SEM1: variants seen among roughly 807,000 people sequenced by gnomAD.
SEM1 encodes the protein 26S proteasome complex subunit SEM1.
Under a neutral mutation model 12.7 loss-of-function variants are expected in SEM1, and 3 were observed. The observed-to-expected ratio is 0.24, with a 90% confidence interval of 0.11 to 0.61. The LOEUF (loss-of-function observed/expected upper bound fraction) is 0.61, where lower values mean the gene tolerates loss of function less well. SEM1 is among the 20% of genes least tolerant of loss of function. SEM1 has a pLI of 0.88. For synonymous variants in SEM1, 30 were observed against 27.8 expected (o/e 1.08, Z -0.25); for missense variants, 59 against 81.3 (o/e 0.73, Z 1.06).
At chr7:96,683,460 G>A (rs896023860) in intron 2 of SEM1, among the ~76,000 whole-genome samples, 2 of 152,156 alleles carry the variant, frequency 1.3e-5, no homozygotes, top group Non-Finnish European at 2.9e-5. Context: ...TTCAACCATT[G>A]TGGAAGTCAG....
At chr7:96,648,929 T>C (rs1003701864) in intron 2 of SEM1, among the ~76,000 whole-genome samples, 1 of 152,218 alleles carries the variant, frequency 6.6e-6, no homozygotes, top group Non-Finnish European at 1.5e-5. Context: ...CCAATGTTTT[T>C]TTCCCCTGCC....
downstream of SEM1, among the ~76,000 whole-genome samples, chr7:96,686,914 T>A (rs1789774527): frequency 6.6e-6 from 1 of 152,022 alleles, no homozygotes; most frequent in Admixed American, 6.6e-5. Flanking sequence ...ATATCCAGAA[T>A]CTACAATGAA....
intron 1 of SEM1, among the ~76,000 whole-genome samples, chr7:96,491,684 T>G (rs935335118): frequency 1.3e-5 from 2 of 152,200 alleles, no homozygotes; most frequent in African/African-American, 4.8e-5. Flanking sequence ...CCTTCCTGCA[T>G]GAGCGAGGCA....
rs753371825 is a variant in SEM1 at position 96,709,752 on chromosome 7, T to C, written c.12A>G (p.Lys4=). Residue 4 remains lysine, a synonymous_variant, in exon 1 of 3, where the codon AAA becomes AAG. Coordinates refer to ENST00000248566, the MANE Select transcript of SEM1 (RefSeq NM_006304.2). ...ACAGACCTAAGTCTACCGGCTGCTTTTTCTCTGACATCTCGACTGTCCGCG... is the reference window on the plus strand; with the variant it reads ...ACAGACCTAAGTCTACCGGCTGCTTCTTCTCTGACATCTCGACTGTCCGCG... MSE[K]KQPVDLGLLE... is the part of the protein sequence containing the mutation. 5 of 1,613,996 alleles carry C rather than the reference T, an allele frequency of 3.1e-6. No homozygotes were observed. The highest frequency in any genetic ancestry group is 4.2e-6 in the Non-Finnish European group (5 of 1,179,944).
At chr7:96,593,605 A>G (rs1274297030) in intron 2 of SEM1, among the ~76,000 whole-genome samples, 1 of 152,246 alleles carries the variant, frequency 6.6e-6, no homozygotes, top group African/African-American at 2.4e-5. Flanking sequence ...TAAGACCTCC[A>G]GAAAATGGGG....
At chr7:96,491,487 C>G (rs1803005420) in intron 1 of SEM1, among the ~76,000 whole-genome samples, 1 of 152,170 alleles carries the variant, frequency 6.6e-6, no homozygotes, top group Admixed American at 6.5e-5. Context: ...TTTCTCACAT[C>G]TTACTAGTTT....
intron 2 of SEM1, among the ~76,000 whole-genome samples, chr7:96,549,401 C>A (rs10953183): frequency 6.6e-6 from 1 of 151,950 alleles, no homozygotes; most frequent in African/African-American, 2.4e-5. Flanking sequence ...AGGGCACTTT[C>A]GTGATCCAAT....
intron 2 of SEM1, among the ~76,000 whole-genome samples, chr7:96,689,377 GATC>G (rs1199204932): frequency 6.6e-6 from 1 of 152,066 alleles, no homozygotes; most frequent in African/African-American, 2.4e-5. Context: ...ATTTTACAAT[GATC>G]ATAACAGGTA....
intron 2 of SEM1, among the ~76,000 whole-genome samples, chr7:96,523,810 A>C (rs1804360696): frequency 6.6e-6 from 1 of 152,098 alleles, no homozygotes; most frequent in African/African-American, 2.4e-5. Context: ...CTTAGCCTCC[A>C]TCACCCCTTG....
At chr7:96,615,555 C>A (rs1466569759) in intron 2 of SEM1, among the ~76,000 whole-genome samples, 1 of 152,070 alleles carries the variant, frequency 6.6e-6, no homozygotes, top group Non-Finnish European at 1.5e-5. Context: ...ACACCCAGCC[C>A]AACTCATATG....
chr7:96,632,777 G>GTTTTTTTTTTTTTTT lies in SEM1; in HGVS notation c.171-10135_171-10134insAAAAAAAAAAAAAAA, dbSNP rs1437758372. The stretch of plus-strand genomic sequence containing the variant: ...CTTATGAAGGTGGTTTTTTTTTGTT[G>GTTTTTTTTTTTTTTT]TTTTTTGTTTTTTTTTTTTTTTTGG... On this transcript the variant is annotated intron_variant, in intron 2 of 2. Transcript: ENST00000417009. Among the ~76,000 whole-genome samples the GTTTTTTTTTTTTTTT allele has an allele frequency of 5.0e-5, 5 of 99,046 alleles. 1 individual carries two copies. The highest frequency in any genetic ancestry group is 1.6e-4 in the African/African-American group (5 of 30,988). 65.0% of individuals were successfully genotyped at this position (99,046 alleles called of 152,430 possible). A position where few individuals can be genotyped will look rare whatever the true frequency, so the allele number is the denominator to read the frequency against.
At chr7:96,500,501 C>T (rs1207822217), upstream of SEM1, among the ~76,000 whole-genome samples, 1 of 152,134 alleles carries the variant, frequency 6.6e-6, no homozygotes, top group East Asian at 1.9e-4. Context: ...TCACAAACTA[C>T]TTTGAGAATC....
chr7:96,616,658 T>C (rs1807730923), intron 2 of SEM1, among the ~76,000 whole-genome samples: 1 of 152,270 alleles, frequency 6.6e-6, no homozygotes, highest in Admixed American at 6.5e-5. Context: ...CTAGGTTTTC[T>C]TTTAGGATTT....
chr7:96,633,150 A>G (rs1189612119), intron 2 of SEM1, among the ~76,000 whole-genome samples: 1 of 152,100 alleles, frequency 6.6e-6, no homozygotes, highest in Non-Finnish European at 1.5e-5. Context: ...GAATATTTCA[A>G]ACCTCAGCTA....
chr7:96,604,639 C>T (rs1334256063), intron 2 of SEM1, among the ~76,000 whole-genome samples: 2 of 151,976 alleles, frequency 1.3e-5, no homozygotes, highest in Non-Finnish European at 2.9e-5. Context: ...AGAATCAGGG[C>T]CGGGTGTGGT....
chr7:96,501,791 C>T (rs7787512), intron 3 of SEM1, among the ~76,000 whole-genome samples: 93,150 of 151,848 alleles, frequency 0.61, 29,224 homozygotes, highest in East Asian at 0.81. Flanking sequence ...TGCATAATGC[C>T]GATGTTTGGG....
chr7:96,554,679 C>T (rs537545584), intron 2 of SEM1, among the ~76,000 whole-genome samples: 4 of 151,326 alleles, frequency 2.6e-5, no homozygotes, highest in South Asian at 4.2e-4. Context: ...TGTCTCTGCC[C>T]GGCTTTGGTA....
chr7:96,687,900 C>T (rs1485194794), downstream of SEM1: 1 of 152,042 alleles, frequency 6.6e-6, no homozygotes, highest in Non-Finnish European at 1.5e-5. Context: ...GTTAGGCAGG[C>T]AAGGTAGGTT....
intron 2 of SEM1, among the ~76,000 whole-genome samples, chr7:96,553,153 A>T: frequency 6.6e-6 from 1 of 151,202 alleles, no homozygotes; most frequent in Non-Finnish European, 1.5e-5. Context: ...TTGCCTGTTC[A>T]CTCTGATGGT....
Sources: allele counts gnomAD v4.1 joint callset (sites outside exome capture counted in the v4.1 genomes callset), GRCh38; gene constraint gnomAD v4.1.1; transcripts MANE v1.5; gene names NCBI Gene and HGNC (gene_info 2026-07-23, HGNC 2026-07-21).